Variants in ADAMTS2 observed in about 807,000 individuals in gnomAD.
ADAMTS2 encodes the protein A disintegrin and metalloproteinase with thrombospondin motifs 2.
ADAMTS2 carries 50 observed loss-of-function variants against 123.0 expected under a neutral mutation model. That is an observed-to-expected ratio of 0.41 (90% confidence interval 0.32 to 0.51). The LOEUF (loss-of-function observed/expected upper bound fraction) is 0.51, where lower values mean the gene tolerates loss of function less well. ADAMTS2 is among the 20% of genes least tolerant of loss of function. ADAMTS2 has a pLI of 0.35. For synonymous variants in ADAMTS2, 678 were observed against 695.4 expected (o/e 0.98, Z 0.39); for missense variants, 1,494 against 1,705.2 (o/e 0.88, Z 2.18).
chr5:179,337,763 G>A (rs562484573), intron 2 of ADAMTS2, among the ~76,000 whole-genome samples: 16 of 152,358 alleles, frequency 1.1e-4, no homozygotes, highest in African/African-American at 3.8e-4. Context: ...CTGCTGAGCG[G>A]ATGTCCCTGG....
At chr5:179,276,860 G>A (rs1195971510) in intron 2 of ADAMTS2, among the ~76,000 whole-genome samples, 1 of 152,208 alleles carries the variant, frequency 6.6e-6, no homozygotes, top group African/African-American at 2.4e-5. Context: ...ACAGGCCTGA[G>A]GCCCTGGGGT....
chr5:179,209,711 G>A (rs1764807754), intron 3 of ADAMTS2, among the ~76,000 whole-genome samples: 3 of 152,226 alleles, frequency 2.0e-5, no homozygotes, highest in Admixed American at 2.0e-4. Context: ...TTAGCTGCCT[G>A]GATGACTCAG....
intron 13 of ADAMTS2, 22 bp downstream of exon 13, chr5:179,135,887 G>C: frequency 6.2e-7 from 1 of 1,612,546 alleles, no homozygotes; most frequent in Non-Finnish European, 8.5e-7. Context: ...GTAGCCCCCC[G>C]TGCCGGCCTC....
At chr5:179,297,291 C>T (rs573004636) in intron 2 of ADAMTS2, among the ~76,000 whole-genome samples, 1 of 152,274 alleles carries the variant, frequency 6.6e-6, no homozygotes, top group African/African-American at 2.4e-5. Context: ...GTATTCTTTA[C>T]AAGCATGGGG....
Position 179,332,223 on chromosome 5 carries a change from G to A in ADAMTS2, c.534+11544C>T, listed in dbSNP as rs144731373. On this transcript the variant is annotated intron_variant, in intron 2 of 21. Coordinates refer to ENST00000251582, the MANE Select transcript of ADAMTS2 (RefSeq NM_014244.5). The surrounding 1 kb of genome is among the most constrained non-coding windows in gnomAD (Gnocchi z 4.2). ...AGGAACAGCTGCATGGGAGGGATGG[G>A]CAGGGCAAGGTAACGGGAAGGGCTG... 8.5e-4 allele frequency among the ~76,000 whole-genome samples: 129 copies of A among 152,312 alleles called. 5 individuals are homozygous for A. The East Asian group carries it at 0.018, about 21-fold the overall frequency.
At chr5:179,136,805 C>CA (rs1300841726) in intron 12 of ADAMTS2, among the ~76,000 whole-genome samples, 3 of 150,976 alleles carry the variant, frequency 2.0e-5, no homozygotes, top group South Asian at 2.1e-4. Flanking sequence ...CCTGTCTCTA[C>CA]AAAAAATGCA....
rs377520284 is a variant in ADAMTS2, at chr5:179,115,022, C to T, written c.3179-698G>A. Among the ~76,000 whole-genome samples, 9 of 152,326 alleles carry T rather than the reference C, an allele frequency of 5.9e-5. No individual in the cohort carries two copies. The highest frequency in any genetic ancestry group is 3.4e-3 in the Middle Eastern group (1 of 294). ...CCTCTGCTCCATCCCCCTATAGCACCGCCACCTTGCGCATCCAGCCATTTC... is the reference window on the plus strand; with the variant it reads ...CCTCTGCTCCATCCCCCTATAGCACTGCCACCTTGCGCATCCAGCCATTTC... On this transcript the variant is annotated intron_variant, in intron 21 of 21. Coordinates refer to ENST00000251582, the MANE Select transcript of ADAMTS2 (RefSeq NM_014244.5). This position sits in a 1 kb window ranked among gnomAD's most constrained non-coding sequence, Gnocchi z 4.4.
At chr5:179,186,791 C>G (rs1421290680) in intron 4 of ADAMTS2, among the ~76,000 whole-genome samples, 1 of 149,548 alleles carries the variant, frequency 6.7e-6, no homozygotes, top group Non-Finnish European at 1.5e-5. Context: ...CTCTGCCAGA[C>G]AGGAGACAGG....
At position 179,228,793 on chromosome 5, in the gene ADAMTS2, C is replaced by A. The variant is rs1765345543; in HGVS notation, c.689-21078G>T. Among the ~76,000 whole-genome samples the A allele has an allele frequency of 6.6e-6, 1 of 152,254 alleles. No individual in the cohort carries two copies. The highest frequency in any genetic ancestry group is 2.4e-5 in the African/African-American group (1 of 41,466). The stretch of plus-strand genomic sequence containing the variant: ...CGGGGCGGTGCCTTCACCACGGCCT[C>A]CTCATCCAGCATCCACAACTCTGGA... On this transcript the variant is annotated intron_variant, in intron 3 of 21. Transcript: ENST00000251582. This position sits in a 1 kb window ranked among gnomAD's most constrained non-coding sequence, Gnocchi z 5.2.
At chr5:179,160,394 T>C (rs1317686107) in intron 5 of ADAMTS2, among the ~76,000 whole-genome samples, 1 of 152,176 alleles carries the variant, frequency 6.6e-6, no homozygotes, top group Non-Finnish European at 1.5e-5. Context: ...GAGGTTGCAG[T>C]GAGCTGAGAT....
rs1376470856 is a variant in ADAMTS2, at chr5:179,308,521, A to T, written c.534+35246T>A. ...CCACAGGAGCTCCTGCAATGCGATG[A>T]CCATGCCTGCAGGCCCCCATAATAG... On this transcript the variant is annotated intron_variant, in intron 2 of 21. Transcript: ENST00000251582. This position sits in a 1 kb window ranked among gnomAD's most constrained non-coding sequence, Gnocchi z 6.6. Among the ~76,000 whole-genome samples the T allele has an allele frequency of 6.6e-6, 1 of 152,094 alleles. No individual in the cohort carries two copies. The highest frequency in any genetic ancestry group is 1.5e-5 in the Non-Finnish European group (1 of 68,008).
rs118075507 is a variant in ADAMTS2 at position 179,161,372 on chromosome 5, G to A, written c.976-2493C>T. Among the ~76,000 whole-genome samples the A allele has an allele frequency of 1.1e-3, 174 of 152,328 alleles. 1 individual carries two copies. The East Asian group carries it at 0.027, about 23-fold the overall frequency. On this transcript the variant is annotated intron_variant, in intron 5 of 21. Transcript: ENST00000251582. ...GTGGGCCTTGTGGTTGGTTGTACTCGCTGAACTTAAGATTGGCAGCCCAGA... is the reference window on the plus strand; with the variant it reads ...GTGGGCCTTGTGGTTGGTTGTACTCACTGAACTTAAGATTGGCAGCCCAGA...
intron 2 of ADAMTS2, among the ~76,000 whole-genome samples, chr5:179,305,219 G>T (rs1209368539): frequency 6.6e-6 from 1 of 152,270 alleles, no homozygotes; most frequent in Admixed American, 6.5e-5. Context: ...TCTTCAGACA[G>T]GGGGAAAATG....
intron 2 of ADAMTS2, among the ~76,000 whole-genome samples, chr5:179,295,412 C>A (rs1415215033): frequency 6.6e-6 from 1 of 152,202 alleles, no homozygotes; most frequent in African/African-American, 2.4e-5. Context: ...TGGCCCCCAG[C>A]CTCCCCGCCC....
At chr5:179,293,363 T>C (rs1041935446) in intron 2 of ADAMTS2, among the ~76,000 whole-genome samples, 2 of 152,238 alleles carry the variant, frequency 1.3e-5, no homozygotes, top group Non-Finnish European at 2.9e-5. Context: ...AAATCAGGCT[T>C]GAAGTGAAAA....
rs1762920651 is a variant in ADAMTS2, at chr5:179,129,404, TC to T, written c.2457+527del. ...TACCTTTTTTGACAAATAAAATATATCCCTATGCAGTTAAATTACATTTTAA... is the reference window on the plus strand; with the variant it reads ...TACCTTTTTTGACAAATAAAATATATCCTATGCAGTTAAATTACATTTTAA... On this transcript the variant is annotated intron_variant, in intron 16 of 21. Coordinates refer to ENST00000251582, the MANE Select transcript of ADAMTS2 (RefSeq NM_014244.5). This position sits in a 1 kb window ranked among gnomAD's most constrained non-coding sequence, Gnocchi z 4.1. Among the ~76,000 whole-genome samples, 1 of 152,108 alleles carries T rather than the reference TC, an allele frequency of 6.6e-6. No individual in the cohort carries two copies. Among genetic ancestry groups the T allele is most frequent in the South Asian group, 2.1e-4 (1 of 4,822 alleles).
intron 10 of ADAMTS2, among the ~76,000 whole-genome samples, chr5:179,142,547 C>T (rs1472608928): frequency 6.6e-6 from 1 of 152,220 alleles, no homozygotes; most frequent in Admixed American, 6.5e-5. Context: ...ATCGCACTAG[C>T]TGTTAGTAGC....
intron 6 of ADAMTS2, among the ~76,000 whole-genome samples, chr5:179,156,084 T>C (rs1027372613): frequency 1.3e-5 from 2 of 152,216 alleles, no homozygotes; most frequent in Non-Finnish European, 2.9e-5. Context: ...GCCCTTTGTA[T>C]GCCAGGCTTG....
intron 13 of ADAMTS2, among the ~76,000 whole-genome samples, chr5:179,133,572 G>A (rs1763001848): frequency 6.8e-6 from 1 of 147,276 alleles, no homozygotes; most frequent in African/African-American, 2.4e-5. Flanking sequence ...GCCCGGCCAA[G>A]TTTTGATATT....
Sources: gnomAD v4.1 joint callset for allele counts (sites outside exome capture counted in the v4.1 genomes callset) on GRCh38, gnomAD v4.1.1 for gene constraint, Gnocchi (gnomAD v3.1) non-coding constraint, MANE v1.5 for transcripts, NCBI Gene and HGNC (gene_info 2026-07-23, HGNC 2026-07-21) for gene names.